Variants in C12orf42 observed in about 807,000 individuals in gnomAD.
C12orf42 encodes the protein chromosome 12 open reading frame 42, also known as uncharacterized protein C12orf42.
In C12orf42, 25 loss-of-function variants were observed where a neutral mutation model predicts 21.6. The ratio of observed to expected loss-of-function variants is 1.16; its 90% CI spans 0.84 to 1.62. The LOEUF is 1.62. Among genes scored for constraint, C12orf42 ranks in the 40% most tolerant of loss-of-function variants. The probability of loss-of-function intolerance (pLI) is 0.00; values close to 1 mark genes in which losing one functional copy is unlikely to be tolerated. For synonymous variants in C12orf42, 174 were observed against 175.0 expected (o/e 0.99, Z 0.05); for missense variants, 483 against 459.3 (o/e 1.05, Z -0.47).
chr12:103,109,250 A>G, the C12orf42 span, among the ~76,000 whole-genome samples: 4 of 152,200 alleles, frequency 2.6e-5, no homozygotes, highest in African/African-American at 9.7e-5. Context: ...AGACAAACAG[A>G]CCAATGAAAC....
intron 2 of C12orf42, among the ~76,000 whole-genome samples, chr12:103,460,795 C>CATT (rs1162891294): frequency 4.6e-5 from 7 of 152,260 alleles, no homozygotes; most frequent in African/African-American, 1.7e-4. Context: ...AGCATAAATG[C>CATT]ATATGTCATA....
At chr12:103,099,521 T>A in the C12orf42 span, among the ~76,000 whole-genome samples, 2 of 152,194 alleles carry the variant, frequency 1.3e-5, no homozygotes, top group Non-Finnish European at 2.9e-5. Context: ...GCTAAGGAGT[T>A]AAGAATTTTT....
the C12orf42 span, among the ~76,000 whole-genome samples, chr12:103,076,767 G>A: frequency 6.6e-6 from 1 of 152,098 alleles, no homozygotes; most frequent in African/African-American, 2.4e-5. Context: ...TGTTTGCTAA[G>A]TGCTTTATAA....
the C12orf42 span, among the ~76,000 whole-genome samples, chr12:103,199,809 T>C: frequency 6.6e-6 from 1 of 152,136 alleles, no homozygotes; most frequent in Non-Finnish European, 1.5e-5. Context: ...TTTCTAAATC[T>C]TTCCATTTAG....
chr12:103,360,386 T>C (rs2043987707), intron 4 of C12orf42, among the ~76,000 whole-genome samples: 1 of 151,754 alleles, frequency 6.6e-6, no homozygotes, highest in South Asian at 2.1e-4. Flanking sequence ...AGTCCCTCAT[T>C]CTGGAGGGTT....
At chr12:103,529,065 CA>C in the C12orf42 span, among the ~76,000 whole-genome samples, 1 of 151,924 alleles carries the variant, frequency 6.6e-6, no homozygotes. Context: ...GAAAAAACAA[CA>C]ACGAAAAAAA....
the C12orf42 span, among the ~76,000 whole-genome samples, chr12:103,509,291 G>A: frequency 2.6e-5 from 4 of 152,080 alleles, no homozygotes; most frequent in Non-Finnish European, 5.9e-5. Context: ...ATACAAGAAT[G>A]TCTCCCTCCT....
Position 103,333,711 on chromosome 12 carries a change from T to G in C12orf42, c.260-27366A>C, listed in dbSNP as rs116089350. ...TGTACTAGAACCAAATTTTCAGAGATAGAATTTCAAAATGTAAAAAGATAA... is the reference window on the plus strand; with the variant it reads ...TGTACTAGAACCAAATTTTCAGAGAGAGAATTTCAAAATGTAAAAAGATAA... On this transcript the variant is annotated intron_variant, in intron 4 of 5. Transcript: ENST00000548883. Among the ~76,000 whole-genome samples the G allele has an allele frequency of 2.2e-3, 328 of 152,176 alleles. 1 individual carries two copies. The highest frequency in any genetic ancestry group is 7.7e-3 in the African/African-American group (320 of 41,522).
At chr12:103,146,473 C>T in the C12orf42 span, among the ~76,000 whole-genome samples, 1 of 128,490 alleles carries the variant, frequency 7.8e-6, no homozygotes, top group Admixed American at 8.5e-5. Flanking sequence ...GAGTGAGACC[C>T]TGTCTCAAAA....
the C12orf42 span, among the ~76,000 whole-genome samples, chr12:103,139,428 G>A: frequency 6.6e-6 from 1 of 152,002 alleles, no homozygotes; most frequent in African/African-American, 2.4e-5. Flanking sequence ...ATGGAAGCTT[G>A]AGCACAGACA....
chr12:103,082,844 CAT>C, the C12orf42 span, among the ~76,000 whole-genome samples: 1 of 152,286 alleles, frequency 6.6e-6, no homozygotes, highest in South Asian at 2.1e-4. Flanking sequence ...TATTTGGTAA[CAT>C]AGTACAAACA....
At chr12:103,122,732 T>C in the C12orf42 span, among the ~76,000 whole-genome samples, 2 of 152,036 alleles carry the variant, frequency 1.3e-5, no homozygotes, top group East Asian at 3.9e-4. Flanking sequence ...GCAGGGGCAG[T>C]TGGGTATTAA....
intron 3 of C12orf42, among the ~76,000 whole-genome samples, chr12:103,391,461 A>T (rs1440532408): frequency 1.3e-5 from 2 of 152,090 alleles, no homozygotes; most frequent in Admixed American, 6.6e-5. Context: ...AACAACCATT[A>T]TGATGGGTAT....
At chr12:103,410,214 C>T (rs572428485) in intron 2 of C12orf42, among the ~76,000 whole-genome samples, 22 of 152,288 alleles carry the variant, frequency 1.4e-4, no homozygotes, top group Non-Finnish European at 2.9e-4. Context: ...CACCCACTTC[C>T]AGGGAGACAA....
At chr12:103,404,396 G>A (rs1217312676) in intron 2 of C12orf42, among the ~76,000 whole-genome samples, 5 of 152,202 alleles carry the variant, frequency 3.3e-5, no homozygotes, top group Non-Finnish European at 7.3e-5. Flanking sequence ...GATATTCATT[G>A]CCAGTCATTA....
intron 4 of C12orf42, among the ~76,000 whole-genome samples, chr12:103,342,442 T>C (rs1235998279): frequency 6.6e-6 from 1 of 152,126 alleles, no homozygotes; most frequent in Non-Finnish European, 1.5e-5. Flanking sequence ...GAGCACCTAC[T>C]GTATGCCAGG....
the C12orf42 span, among the ~76,000 whole-genome samples, chr12:103,051,599 C>T: frequency 6.6e-6 from 1 of 152,172 alleles, no homozygotes; most frequent in African/African-American, 2.4e-5. Context: ...GCAGCCAAAA[C>T]CAATTATAAA....
At chr12:103,327,347 A>C (rs2040809757) in intron 4 of C12orf42, among the ~76,000 whole-genome samples, 1 of 152,220 alleles carries the variant, frequency 6.6e-6, no homozygotes, top group African/African-American at 2.4e-5. Context: ...CTATATAGGA[A>C]ACCAAGTTAA....
At chr12:103,421,462 TAC>T (rs1273270129) in intron 2 of C12orf42, among the ~76,000 whole-genome samples, 1 of 151,950 alleles carries the variant, frequency 6.6e-6, no homozygotes, top group Non-Finnish European at 1.5e-5. Flanking sequence ...TGGTCCCAGA[TAC>T]TTAGGAGGCT....
Sources: gnomAD v4.1 joint callset for allele counts (sites outside exome capture counted in the v4.1 genomes callset) on GRCh38, gnomAD v4.1.1 for gene constraint, MANE v1.5 for transcripts, NCBI Gene and HGNC (gene_info 2026-07-23, HGNC 2026-07-21) for gene names.